The following SYT14 variants were observed in gnomAD, a reference collection of about 807,000 sequenced individuals.
The protein encoded by SYT14 is synaptotagmin-14.
SYT14 carries 32 observed loss-of-function variants against 74.2 expected under a neutral mutation model. The ratio of observed to expected loss-of-function variants is 0.43; its 90% confidence interval spans 0.33 to 0.58. SYT14 has a LOEUF of 0.58. SYT14 is among the 20% of genes least tolerant of loss of function. The probability of loss-of-function intolerance (pLI) is 0.05; values close to 1 mark genes in which losing one functional copy is unlikely to be tolerated. For synonymous variants in SYT14, 298 were observed against 337.7 expected (o/e 0.88, Z 1.29); for missense variants, 791 against 981.8 (o/e 0.81, Z 2.60).
intron 7 of SYT14, among the ~76,000 whole-genome samples, chr1:210,103,998 G>C (rs1018015640): frequency 6.6e-6 from 1 of 152,188 alleles, no homozygotes; most frequent in African/African-American, 2.4e-5. Flanking sequence ...GATATGGCAG[G>C]AGCTGTGTGA....
chr1:210,037,430 C>T (rs2080689671), intron 5 of SYT14, among the ~76,000 whole-genome samples: 1 of 150,986 alleles, frequency 6.6e-6, no homozygotes, highest in South Asian at 2.1e-4. Flanking sequence ...TTATTTAGTT[C>T]TGCTCTGATC....
chr1:210,141,259 A>T (rs1019812251), intron 7 of SYT14, among the ~76,000 whole-genome samples: 1 of 152,192 alleles, frequency 6.6e-6, no homozygotes, highest in Non-Finnish European at 1.5e-5. Context: ...GTTTTGTTAA[A>T]TACATTCCTA....
intron 5 of SYT14, among the ~76,000 whole-genome samples, chr1:210,031,090 T>C (rs2080523873): frequency 5.6e-5 from 3 of 53,234 alleles, no homozygotes; most frequent in African/African-American, 1.6e-4. Flanking sequence ...CATGCCTGTC[T>C]TTTTTTTTTT....
intron 2 of SYT14, among the ~76,000 whole-genome samples, chr1:209,962,460 G>A (rs1163561438): frequency 6.6e-6 from 1 of 151,832 alleles, no homozygotes; most frequent in East Asian, 1.9e-4. Flanking sequence ...GCAGAGAATA[G>A]AGCTTTAGCT....
intron 5 of SYT14, among the ~76,000 whole-genome samples, chr1:210,028,472 C>G (rs2080460832): frequency 6.6e-6 from 1 of 152,002 alleles, no homozygotes; most frequent in Admixed American, 6.6e-5. Flanking sequence ...CTACTTTTTG[C>G]CCCTGTGATT....
At chr1:210,107,050 A>G (rs181472580) in intron 7 of SYT14, among the ~76,000 whole-genome samples, 1 of 152,238 alleles carries the variant, frequency 6.6e-6, no homozygotes, top group Non-Finnish European at 1.5e-5. Context: ...TACGGGCCCC[A>G]TGCCAAGTCC....
At chr1:209,988,645 A>C (rs1053553742) in intron 2 of SYT14, among the ~76,000 whole-genome samples, 7 of 152,148 alleles carry the variant, frequency 4.6e-5, no homozygotes, top group Non-Finnish European at 1.0e-4. Flanking sequence ...CATTTAGTGT[A>C]AGATTAATTT....
At chr1:210,166,955 A>G (rs2083462713) in exon 10 of SYT14, 1 of 152,178 alleles carries the variant, frequency 6.6e-6, no homozygotes, top group Admixed American at 6.5e-5. Context: ...AAAAAAATTA[A>G]TATTTAATAA....
At chr1:210,154,199 C>A (rs1008307121) in intron 7 of SYT14, among the ~76,000 whole-genome samples, 1 of 152,248 alleles carries the variant, frequency 6.6e-6, no homozygotes, top group Non-Finnish European at 1.5e-5. Flanking sequence ...CTTCCAGCAT[C>A]TCTTCTGGTT....
intron 2 of SYT14, among the ~76,000 whole-genome samples, chr1:209,959,252 C>T (rs947544429): frequency 7.2e-5 from 11 of 152,134 alleles, no homozygotes; most frequent in African/African-American, 2.4e-4. Context: ...AAGTGATTCT[C>T]ATGCCTCAGC....
exon 10 of SYT14, chr1:210,166,706 C>G (rs2083459633): frequency 6.6e-6 from 1 of 152,140 alleles, no homozygotes; most frequent in Non-Finnish European, 1.5e-5. Flanking sequence ...AGAGATTCTA[C>G]TTCATTTGGC....
At chr1:210,045,981 A>G (rs1476063745) in intron 5 of SYT14, among the ~76,000 whole-genome samples, 2 of 152,244 alleles carry the variant, frequency 1.3e-5, no homozygotes, top group Non-Finnish European at 2.9e-5. Context: ...CACATAATAC[A>G]AAGAAAATTA....
chr1:210,001,923 G>C (rs2079907744), intron 2 of SYT14, among the ~76,000 whole-genome samples: 1 of 152,134 alleles, frequency 6.6e-6, no homozygotes, highest in Admixed American at 6.6e-5. Context: ...GTCATAGAGA[G>C]CCAGATCATG....
intron 5 of SYT14, among the ~76,000 whole-genome samples, chr1:210,051,223 G>T (rs1275122276): frequency 6.6e-6 from 1 of 152,154 alleles, no homozygotes; most frequent in South Asian, 2.1e-4. Context: ...TTAAATGCCA[G>T]TACCAATAAT....
intron 1 of SYT14, among the ~76,000 whole-genome samples, chr1:209,949,341 G>A (rs1226259945): frequency 2.6e-5 from 4 of 152,062 alleles, no homozygotes; most frequent in South Asian, 2.1e-4. Context: ...ATGGGAGGCC[G>A]AGGCGGGCGG....
chr1:210,008,399 T>C (rs1157375364), intron 2 of SYT14, among the ~76,000 whole-genome samples: 1 of 152,146 alleles, frequency 6.6e-6, no homozygotes, highest in African/African-American at 2.4e-5. Flanking sequence ...GGAATCTCGC[T>C]CTCGCTCAGG....
intron 2 of SYT14, among the ~76,000 whole-genome samples, chr1:209,980,228 C>G (rs2079457354): frequency 6.6e-6 from 1 of 152,026 alleles, no homozygotes; most frequent in Non-Finnish European, 1.5e-5. Flanking sequence ...AGCTTTTTTT[C>G]ATATGTATGT....
chr1:209,973,795 T>C (rs989452358), intron 2 of SYT14, among the ~76,000 whole-genome samples: 3 of 152,200 alleles, frequency 2.0e-5, no homozygotes, highest in African/African-American at 7.2e-5. Flanking sequence ...CACTGACTTC[T>C]AGAATGGTTG....
chr1:210,102,515 A>G (rs189373734), intron 7 of SYT14, among the ~76,000 whole-genome samples: 3 of 152,228 alleles, frequency 2.0e-5, no homozygotes, highest in Admixed American at 2.0e-4. Context: ...TTCTATATAT[A>G]CTATAGTATT....
Sources: gnomAD v4.1 joint callset for allele counts (sites outside exome capture counted in the v4.1 genomes callset) on GRCh38, gnomAD v4.1.1 for gene constraint, MANE v1.5 for transcripts, NCBI Gene and HGNC (gene_info 2026-07-23, HGNC 2026-07-21) for gene names.